POU2F1: variants seen among roughly 807,000 people sequenced by gnomAD.
The protein encoded by POU2F1 is POU class 2 homeobox 1.
A neutral mutation model predicts 84.9 loss-of-function variants in POU2F1; 16 were observed. The ratio of observed to expected loss-of-function variants is 0.19; its 90% CI spans 0.13 to 0.29. The LOEUF (loss-of-function observed/expected upper bound fraction) is 0.29. POU2F1 is among the 10% of genes least tolerant of loss of function. The probability of loss-of-function intolerance (pLI) is 1.00; values close to 1 mark genes in which losing one functional copy is unlikely to be tolerated. For missense variants in POU2F1, 738 were observed against 942.6 expected, an observed-to-expected ratio of 0.78 and a Z score of 2.84; for synonymous variants, 368 against 368.3, an observed-to-expected ratio of 1.00 and a Z score of 0.01.
rs76327620 is a variant in POU2F1, at chr1:167,413,166, T to A, written c.1990+52T>A. 5 of 132,478 alleles carry A rather than the reference T, an allele frequency of 3.8e-5. No homozygotes were observed. The highest frequency in any genetic ancestry group is 4.3e-5 in the Non-Finnish European group (4 of 92,472). 8.2% of individuals were successfully genotyped at this position (132,478 alleles called of 1,614,324 possible). ...GGTGGCATGCACGTGTGTGTGAGTG[T>A]GTGTGTGTGTGTGTGTGTGTGTGCT... On this transcript the variant is annotated intron_variant, in intron 15 of 15. Transcript: ENST00000367866.
chr1:167,301,698 G>A (rs1654711907), intron 1 of POU2F1, among the ~76,000 whole-genome samples: 2 of 152,106 alleles, frequency 1.3e-5, no homozygotes, highest in East Asian at 3.9e-4. Flanking sequence ...TGGAAGGGTG[G>A]GTAGGTTTTT....
chr1:167,409,531 G>A (rs1050653946), intron 13 of POU2F1, among the ~76,000 whole-genome samples: 66 of 152,132 alleles, frequency 4.3e-4, no homozygotes, highest in African/African-American at 1.4e-3. Flanking sequence ...CTCACTGACT[G>A]GGATAATTAA....
chr1:167,221,432 C>A (rs1317792426), intron 1 of POU2F1, among the ~76,000 whole-genome samples: 1 of 146,974 alleles, frequency 6.8e-6, no homozygotes, highest in Non-Finnish European at 1.5e-5. Context: ...GCCGGGCGGG[C>A]GCGGGGTGGG....
At position 167,423,085 on chromosome 1, in the gene POU2F1, C is replaced by T. The variant is rs1650739473; in HGVS notation, c.*7275C>T. 6.6e-6 allele frequency: 1 copy of T among 152,202 alleles called. No homozygotes were observed. Among genetic ancestry groups the T allele is most frequent in the African/African-American group, 2.4e-5 (1 of 41,454 alleles). The allele number at this position is 152,202 out of a possible 1,614,324, so 9.4% of individuals were successfully genotyped here. A position where few individuals can be genotyped will look rare whatever the true frequency, so the allele number is the denominator to read the frequency against. On this transcript the variant is annotated 3_prime_UTR_variant, in exon 16 of 16. Coordinates refer to ENST00000367866, the MANE Select transcript of POU2F1 (RefSeq NM_002697.4). Reference sequence around the variant, plus strand: ...ATCTAATACTTTTAAATAGAACCAACACAGCCTATATGAGTTCAGACAATA... The same window carrying T: ...ATCTAATACTTTTAAATAGAACCAATACAGCCTATATGAGTTCAGACAATA...
At chr1:167,270,479 C>T (rs779904945) in intron 1 of POU2F1, among the ~76,000 whole-genome samples, 45 of 152,094 alleles carry the variant, frequency 3.0e-4, no homozygotes, top group Non-Finnish European at 5.7e-4. Flanking sequence ...AGGAAATTAC[C>T]ATTCCTGTTG....
chr1:167,224,460 A>T (rs955060747), intron 1 of POU2F1, among the ~76,000 whole-genome samples: 3 of 149,718 alleles, frequency 2.0e-5, no homozygotes, highest in African/African-American at 7.7e-5. Flanking sequence ...AGATTTTTTA[A>T]AAAAAATTCA....
chr1:167,401,302 T>C (rs1325557465), intron 12 of POU2F1, 149 bp from the exon 13 acceptor site: 5 of 519,904 alleles, frequency 9.6e-6, no homozygotes, highest in African/African-American at 2.0e-5. Flanking sequence ...CTATCTGTGA[T>C]ATCAGTGAAC....
intron 2 of POU2F1, among the ~76,000 whole-genome samples, chr1:167,353,979 C>G (rs961461828): frequency 6.6e-6 from 1 of 152,164 alleles, no homozygotes; most frequent in Admixed American, 6.5e-5. Context: ...TCAAATAACA[C>G]ATTACTTAGA....
chr1:167,295,226 C>CGT (rs1466814813), intron 1 of POU2F1, among the ~76,000 whole-genome samples: 1 of 152,158 alleles, frequency 6.6e-6, no homozygotes, highest in Non-Finnish European at 1.5e-5. Context: ...GACGCCTACA[C>CGT]ATGCATGTTT....
chr1:167,290,714 C>T (rs1473697557), intron 1 of POU2F1, among the ~76,000 whole-genome samples: 1 of 152,166 alleles, frequency 6.6e-6, no homozygotes, highest in Non-Finnish European at 1.5e-5. Flanking sequence ...GATCAGTATA[C>T]TTTAAAAGAT....
At chr1:167,293,365 T>A (rs926172926) in intron 1 of POU2F1, among the ~76,000 whole-genome samples, 8 of 151,812 alleles carry the variant, frequency 5.3e-5, no homozygotes, top group African/African-American at 1.9e-4. Context: ...AAGAACCCAA[T>A]CCCCTTTACA....
At position 167,411,986 on chromosome 1, in the gene POU2F1, C is replaced by T; in HGVS notation, c.1583C>T (p.Thr528Ile). 6.2e-7 allele frequency: 1 copy of T among 1,613,680 alleles called. No individual in the cohort carries two copies. The highest frequency in any genetic ancestry group is 8.5e-7 in the Non-Finnish European group (1 of 1,179,706). The change falls in exon 14 of 16, where the codon ACA (threonine) becomes ATA (isoleucine). Residue 528 changes from threonine (T) to isoleucine (I), a missense_variant. By Grantham distance (89) the Thr-to-Ile change is moderately conservative. Transcript: ENST00000367866. ...TGTSDTTSNN[T>I]ATVISTAPPA... is the part of the protein sequence containing the mutation. The stretch of plus-strand genomic sequence containing the variant: ...ACTTCAGACACCACCTCCAACAACA[C>T]AGCAACCGTGATTTCCACAGCGCCT...
intron 1 of POU2F1, among the ~76,000 whole-genome samples, chr1:167,276,410 A>G (rs1652731922): frequency 6.6e-6 from 1 of 152,118 alleles, no homozygotes; most frequent in East Asian, 1.9e-4. Flanking sequence ...CTTATTGTTA[A>G]TCTTACTATG....
At chr1:167,232,581 G>T (rs538779809) in intron 1 of POU2F1, among the ~76,000 whole-genome samples, 5 of 152,174 alleles carry the variant, frequency 3.3e-5, no homozygotes, top group Non-Finnish European at 7.4e-5. Flanking sequence ...GATGGCTCAT[G>T]CCTGTAATCC....
chr1:167,354,980 A>T (rs760447892), intron 2 of POU2F1, among the ~76,000 whole-genome samples: 2 of 151,966 alleles, frequency 1.3e-5, no homozygotes, highest in Non-Finnish European at 2.9e-5. Flanking sequence ...AATTCACTTT[A>T]TGTAGCCCTT....
At chr1:167,328,573 G>A (rs968941076) in intron 1 of POU2F1, among the ~76,000 whole-genome samples, 1 of 152,044 alleles carries the variant, frequency 6.6e-6, no homozygotes, top group Non-Finnish European at 1.5e-5. Flanking sequence ...AAGTCTGTAG[G>A]GTTGTTTCTA....
At chr1:167,258,831 T>C (rs1031981556) in intron 1 of POU2F1, among the ~76,000 whole-genome samples, 11 of 152,200 alleles carry the variant, frequency 7.2e-5, no homozygotes, top group African/African-American at 2.7e-4. Flanking sequence ...AAGAATAGAA[T>C]TATTTGGGGA....
At chr1:167,264,800 G>A (rs1369186126) in intron 1 of POU2F1, among the ~76,000 whole-genome samples, 1 of 152,084 alleles carries the variant, frequency 6.6e-6, no homozygotes, top group Admixed American at 6.5e-5. Context: ...ACAGTTACCA[G>A]TTTTTTTCCT....
intron 2 of POU2F1, among the ~76,000 whole-genome samples, chr1:167,351,443 G>C (rs928518903): frequency 1.3e-5 from 2 of 149,850 alleles, no homozygotes; most frequent in Admixed American, 6.7e-5. Flanking sequence ...ACTTGAACCT[G>C]GGAGGCGCAG....
Sources: gnomAD v4.1 joint callset for allele counts (sites outside exome capture counted in the v4.1 genomes callset) on GRCh38, gnomAD v4.1.1 for gene constraint, MANE v1.5 for transcripts, NCBI Gene and HGNC (gene_info 2026-07-23, HGNC 2026-07-21) for gene names.